SNX19: variants seen among roughly 807,000 people sequenced by gnomAD.
SNX19 encodes the protein sorting nexin-19.
Under a neutral mutation model 85.2 loss-of-function variants are expected in SNX19, and 60 were observed. The observed-to-expected ratio is 0.70, with a 90% confidence interval of 0.57 to 0.87. The LOEUF is 0.87. Ranked by LOEUF, SNX19 falls within the 40% of genes least tolerant of loss-of-function variation. The probability of loss-of-function intolerance (pLI) is 0.00; values close to 1 mark genes in which losing one functional copy is unlikely to be tolerated. For missense variants in SNX19, 1,201 were observed against 1,217.8 expected (o/e 0.99, Z 0.21); for synonymous variants, 520 against 470.0 (o/e 1.11, Z -1.38).
At chr11:130,883,167 C>G (rs763429708) in intron 8 of SNX19, among the ~76,000 whole-genome samples, 7 of 152,050 alleles carry the variant, frequency 4.6e-5, no homozygotes, top group Non-Finnish European at 8.8e-5. Context: ...TAAACTTATA[C>G]AAATCTATAA....
chr11:130,871,025 G>C lies in SNX19; in HGVS notation c.*7397C>G, dbSNP rs1314640030. ...GCTTCTTGAAAATGGAACTTGAATT[G>C]GTCCTTATGGGCAGAGGTAGCCTAC... On this transcript the variant is annotated 3_prime_UTR_variant, in exon 11 of 11. Transcript: ENST00000265909. Among the ~76,000 whole-genome samples the C allele has an allele frequency of 6.6e-6, 1 of 152,078 alleles. No homozygotes were observed. The highest frequency in any genetic ancestry group is 2.4e-5 in the African/African-American group (1 of 41,410).
At chr11:130,883,596 C>G (rs1430401055) in intron 8 of SNX19, among the ~76,000 whole-genome samples, 1 of 152,202 alleles carries the variant, frequency 6.6e-6, no homozygotes, top group African/African-American at 2.4e-5. Flanking sequence ...ACAAACCACA[C>G]ACTTGCACCA....
chr11:130,901,684 T>C (rs555845837), intron 8 of SNX19: 1 of 152,292 alleles, frequency 6.6e-6, no homozygotes, highest in East Asian at 1.9e-4. Flanking sequence ...AATAAATGCA[T>C]ATTTTAAACA....
At chr11:130,913,321 A>G (rs1946291322) in intron 1 of SNX19, among the ~76,000 whole-genome samples, 1 of 152,250 alleles carries the variant, frequency 6.6e-6, no homozygotes, top group Non-Finnish European at 1.5e-5. Context: ...GGCTAGTCTC[A>G]GTTATTTTAT....
At chr11:130,898,180 G>C (rs1205631353) in intron 8 of SNX19, among the ~76,000 whole-genome samples, 1 of 151,198 alleles carries the variant, frequency 6.6e-6, no homozygotes, top group Non-Finnish European at 1.5e-5. Flanking sequence ...GCAGGATAGA[G>C]AGTGTGCTTA....
In SNX19 at chr11:130,906,077, CT is replaced by C. The variant is rs868795276; in HGVS notation, c.2318del (p.Lys773SerfsTer48). On this transcript the variant is annotated frameshift_variant, in exon 7 of 11. Coordinates refer to ENST00000265909, the MANE Select transcript of SNX19 (RefSeq NM_014758.3). LOFTEE classifies it high-confidence loss of function. ...AMESFIEKQTKLLEMQPTKAP... is the reference protein window; with the variant it reads ...AMESFIEKQTXLLEMQPTKAP... ...CTTTTGTTGGCTGCATTTCCAGTAA[CT>C]TTGTCTGTTTTTCAATAAAAGATTC... 1 of 1,614,004 alleles carries C rather than the reference CT, an allele frequency of 6.2e-7. No homozygotes were observed. The highest frequency in any genetic ancestry group is 1.3e-5 in the African/African-American group (1 of 74,902).
chr11:130,867,450 A>C lies in SNX19; in HGVS notation c.*10972T>G, dbSNP rs1942815709. 6.6e-6 allele frequency: 1 copy of C among 152,080 alleles called. No homozygotes were observed. The highest frequency in any genetic ancestry group is 1.5e-5 in the Non-Finnish European group (1 of 68,022). The allele number at this position is 152,080 out of a possible 1,614,324, so 9.4% of individuals were successfully genotyped here. ...TAACTGGCGGTGAGCAGGCTCTTGG[A>C]CTCCATGAAAATTTAAGGATGTGGC... On this transcript the variant is annotated 3_prime_UTR_variant, in exon 11 of 11. Transcript: ENST00000265909.
intron 1 of SNX19, among the ~76,000 whole-genome samples, chr11:130,912,388 T>C (rs955665303): frequency 1.3e-5 from 2 of 152,236 alleles, no homozygotes; most frequent in African/African-American, 4.8e-5. Context: ...GTCCACTGTC[T>C]TCCTAAGCTT....
chr11:130,903,718 C>CACACAT (rs1945438275), intron 7 of SNX19, among the ~76,000 whole-genome samples: 1 of 36,950 alleles, frequency 2.7e-5, no homozygotes, highest in Non-Finnish European at 7.0e-5. Context: ...TATACACATA[C>CACACAT]ACACACACAC....
intron 8 of SNX19, among the ~76,000 whole-genome samples, chr11:130,883,335 G>C (rs1199239447): frequency 6.6e-6 from 1 of 152,132 alleles, no homozygotes. Context: ...CCATCTCTGA[G>C]TAAGTATCAG....
intron 1 of SNX19, among the ~76,000 whole-genome samples, chr11:130,912,548 A>T (rs1946209323): frequency 6.6e-6 from 1 of 152,226 alleles, no homozygotes; most frequent in Non-Finnish European, 1.5e-5. Context: ...AGAAGTATAT[A>T]TGTGCGCCTT....
At chr11:130,897,560 C>T (rs3829270) in intron 8 of SNX19, among the ~76,000 whole-genome samples, 96,580 of 152,008 alleles carry the variant, frequency 0.64, 30,965 homozygotes, top group South Asian at 0.8. Context: ...CTATTTTTAT[C>T]GTGGCATTGC....
Position 130,877,064 on chromosome 11 carries a change from T to C in SNX19, c.*1358A>G, listed in dbSNP as rs959863372. On this transcript the variant is annotated 3_prime_UTR_variant, in exon 11 of 11. Coordinates refer to ENST00000265909, the MANE Select transcript of SNX19 (RefSeq NM_014758.3). ...TTTGACACTTGTTTTTGACACCCCA[T>C]TGCCTTCTCATCAGTCTAACTCCAA... The C allele has an allele frequency of 2.6e-5, 4 of 152,262 alleles. No homozygotes were observed. Among genetic ancestry groups the C allele is most frequent in the Non-Finnish European group, 2.9e-5 (2 of 68,054 alleles). The allele number at this position is 152,262 out of a possible 1,614,324, so 9.4% of individuals were successfully genotyped here.
chr11:130,882,740 C>T (rs1002084906), intron 8 of SNX19, among the ~76,000 whole-genome samples: 5 of 152,208 alleles, frequency 3.3e-5, no homozygotes, highest in Non-Finnish European at 5.9e-5. Context: ...GCTGCAATGA[C>T]CTGATCGGCT....
In SNX19 at chr11:130,870,254, G is replaced by A. The variant is rs1192821507; in HGVS notation, c.*8168C>T. On this transcript the variant is annotated 3_prime_UTR_variant, in exon 11 of 11. Transcript: ENST00000265909. Reference sequence around the variant, plus strand: ...GTCCTCTCCAGATTGCTAAAAGGAGGTGTATAACCCTGCTCTTCAGCAGAA... The same window carrying A: ...GTCCTCTCCAGATTGCTAAAAGGAGATGTATAACCCTGCTCTTCAGCAGAA... 1 of 152,142 alleles carries A rather than the reference G, an allele frequency of 6.6e-6. No individual in the cohort carries two copies. Among genetic ancestry groups the A allele is most frequent in the East Asian group, 1.9e-4 (1 of 5,190 alleles). The allele number at this position is 152,142 out of a possible 1,614,324, so 9.4% of individuals were successfully genotyped here. A position where few individuals can be genotyped will look rare whatever the true frequency, so the allele number is the denominator to read the frequency against.
intron 1 of SNX19, among the ~76,000 whole-genome samples, chr11:130,912,686 A>T (rs1257086319): frequency 1.3e-5 from 2 of 152,172 alleles, no homozygotes; most frequent in Non-Finnish European, 2.9e-5. Flanking sequence ...GGTATTCATT[A>T]TGAGCTGATG....
chr11:130,910,267 G>A lies in SNX19; in HGVS notation c.1914+3C>T. 6.2e-7 allele frequency: 1 copy of A among 1,613,188 alleles called. No individual in the cohort carries two copies. Among genetic ancestry groups the A allele is most frequent in the South Asian group, 1.1e-5 (1 of 90,946 alleles). On this transcript the variant is annotated splice_donor_region_variant and intron_variant, in intron 3 of 10. Transcript: ENST00000265909. ...AACAAGGCCAAAAGAGAAGGATGCT[G>A]ACCTTTAGGAATGATTCTAGGAGGC...
In SNX19 at chr11:130,911,671, C is replaced by T. The variant is rs199941035; in HGVS notation, c.1775G>A (p.Arg592His). 109 of 1,614,048 alleles carry T rather than the reference C, an allele frequency of 6.8e-5. No individual in the cohort carries two copies. The highest frequency in any genetic ancestry group is 6.7e-4 in the South Asian group (61 of 91,086). ...RYREFLNLQT[R>H]LEEKPDLRKF... Reference sequence around the variant, plus strand: ...TCGTAGATCTGGTTTCTCCTCCAGACGGGTCTGCAGATTCAAGAACTCCCG... The same window carrying T: ...TCGTAGATCTGGTTTCTCCTCCAGATGGGTCTGCAGATTCAAGAACTCCCG... Residue 592 changes from arginine to histidine, a missense_variant, in exon 2 of 11, where the codon CGT becomes CAT. Coordinates refer to ENST00000265909, the MANE Select transcript of SNX19 (RefSeq NM_014758.3).
chr11:130,894,022 C>T (rs900517016), intron 8 of SNX19: 3 of 572,156 alleles, frequency 5.2e-6, no homozygotes, highest in African/African-American at 1.9e-5. Context: ...GAGAGCCAAA[C>T]GGTCTCCATC....
Sources: allele counts gnomAD v4.1 joint callset (sites outside exome capture counted in the v4.1 genomes callset), GRCh38; gene constraint gnomAD v4.1.1; transcripts MANE v1.5; gene names NCBI Gene and HGNC (gene_info 2026-07-23, HGNC 2026-07-21).